B4GALT5: variants seen among roughly 807,000 people sequenced by gnomAD.
B4GALT5 encodes the protein beta-1,4-galactosyltransferase 5, also known as UDP-Gal:beta-GlcNAc beta-1,4-galactosyltransferase 5.
In B4GALT5, 11 loss-of-function variants were observed where a neutral mutation model predicts 45.0. The observed-to-expected ratio is 0.24, with a 90% CI of 0.15 to 0.40. B4GALT5 has a LOEUF of 0.40. B4GALT5 is among the 10% of genes least tolerant of loss of function. The probability of loss-of-function intolerance (pLI) is 1.00; values close to 1 mark genes in which losing one functional copy is unlikely to be tolerated. For missense variants in B4GALT5, 337 were observed against 500.2 expected, an observed-to-expected ratio of 0.67 and a Z score of 3.11; for synonymous variants, 185 against 182.9, an observed-to-expected ratio of 1.01 and a Z score of -0.09.
At chr20:49,710,857 A>G (rs2085906838) in intron 1 of B4GALT5, among the ~76,000 whole-genome samples, 1 of 152,092 alleles carries the variant, frequency 6.6e-6, no homozygotes, top group African/African-American at 2.4e-5. Context: ...CCAAAGCTAG[A>G]CATTCTAAAA....
intron 1 of B4GALT5, among the ~76,000 whole-genome samples, chr20:49,662,791 A>G (rs1027675932): frequency 6.6e-6 from 1 of 152,234 alleles, no homozygotes; most frequent in Non-Finnish European, 1.5e-5. Context: ...ATAATGCACA[A>G]GTTTATTCAA....
At chr20:49,682,629 G>C (rs952678946) in intron 1 of B4GALT5, among the ~76,000 whole-genome samples, 11 of 151,930 alleles carry the variant, frequency 7.2e-5, no homozygotes, top group African/African-American at 2.7e-4. Context: ...ATTTAAAATT[G>C]CAAAATTTCC....
In B4GALT5 at chr20:49,663,672, C is replaced by CAAGAAAAAAAA. The variant is rs1568722488; in HGVS notation, c.116-6981_116-6971dup. On this transcript the variant is annotated intron_variant, in intron 1 of 8. Transcript: ENST00000371711. ...AGAGCAACATAGTGAGAATTCATCTCAAGAAAAAAAAAAAAAAAATATATA... is the reference window on the plus strand; with the variant it reads ...AGAGCAACATAGTGAGAATTCATCTCAAGAAAAAAAAAAGAAAAAAAAAAAAAAAATATATA... Among the ~76,000 whole-genome samples the CAAGAAAAAAAA allele has an allele frequency of 1.1e-3, 5 of 4,408 alleles. 1 individual carries two copies. The highest frequency in any genetic ancestry group is 2.2e-3 in the African/African-American group (3 of 1,352). 2.9% of individuals were successfully genotyped at this position (4,408 alleles called of 152,430 possible).
chr20:49,662,723 C>T (rs548893419), intron 1 of B4GALT5, among the ~76,000 whole-genome samples: 1 of 152,274 alleles, frequency 6.6e-6, no homozygotes, highest in East Asian at 1.9e-4. Flanking sequence ...TAGCTTTCCC[C>T]CCAAAATGTT....
intron 1 of B4GALT5, among the ~76,000 whole-genome samples, chr20:49,676,791 T>A (rs192349832): frequency 2.8e-4 from 42 of 152,358 alleles, no homozygotes; most frequent in African/African-American, 1.0e-3. Flanking sequence ...AATAAAACCA[T>A]AAAGCAATAA....
intron 1 of B4GALT5, among the ~76,000 whole-genome samples, chr20:49,694,313 G>C (rs187884923): frequency 2.6e-5 from 4 of 151,836 alleles, no homozygotes; most frequent in South Asian, 2.1e-4. Context: ...TATAACTTTT[G>C]AAAGTTATAG....
intron 3 of B4GALT5, among the ~76,000 whole-genome samples, chr20:49,645,884 C>T (rs183912125): frequency 1.3e-5 from 2 of 152,034 alleles, no homozygotes; most frequent in Non-Finnish European, 2.9e-5. Flanking sequence ...GAAACAGGGT[C>T]TTGCTTTGTT....
intron 1 of B4GALT5, among the ~76,000 whole-genome samples, chr20:49,663,662 G>T (rs1341460438): frequency 2.4e-5 from 2 of 82,810 alleles, no homozygotes; most frequent in Non-Finnish European, 4.2e-5. Context: ...AACATAGTGA[G>T]AATTCATCTC....
At chr20:49,671,054 T>G (rs2085713834) in intron 1 of B4GALT5, among the ~76,000 whole-genome samples, 1 of 152,180 alleles carries the variant, frequency 6.6e-6, no homozygotes, top group African/African-American at 2.4e-5. Context: ...AAATAATGAT[T>G]ATTGTTTTAG....
chr20:49,663,690 AATATATACATATATATATATATATAT>A (rs2085675959), intron 1 of B4GALT5, among the ~76,000 whole-genome samples: 3 of 96,962 alleles, frequency 3.1e-5, no homozygotes, highest in Admixed American at 2.2e-4. Context: ...AAAAAAAAAA[AATATATACATATATATATATATATAT>A]ATATATATAT....
chr20:49,648,060 T>A (rs962943143), intron 2 of B4GALT5, among the ~76,000 whole-genome samples: 1 of 152,196 alleles, frequency 6.6e-6, no homozygotes, highest in Non-Finnish European at 1.5e-5. Flanking sequence ...TTTTTTAACT[T>A]TGAAGAGCTC....
At chr20:49,700,717 T>C (rs1399102591) in intron 1 of B4GALT5, among the ~76,000 whole-genome samples, 1 of 152,192 alleles carries the variant, frequency 6.6e-6, no homozygotes, top group Non-Finnish European at 1.5e-5. Context: ...TAAATGTGTA[T>C]ACAGCGTGGG....
At chr20:49,659,940 T>G (rs951428305) in intron 1 of B4GALT5, among the ~76,000 whole-genome samples, 1 of 151,946 alleles carries the variant, frequency 6.6e-6, no homozygotes, top group Admixed American at 6.6e-5. Flanking sequence ...CCACCATGCC[T>G]GGCTAATTTT....
chr20:49,643,924 T>C (rs1275795579), intron 3 of B4GALT5, among the ~76,000 whole-genome samples: 2 of 14,002 alleles, frequency 1.4e-4, no homozygotes, highest in Non-Finnish European at 1.7e-4. Context: ...TAGCTGAGCT[T>C]TTTTTTTTTT....
chr20:49,641,713 G>A (rs908514905), intron 5 of B4GALT5, among the ~76,000 whole-genome samples: 1 of 152,144 alleles, frequency 6.6e-6, no homozygotes, highest in Non-Finnish European at 1.5e-5. Context: ...AGAGAGAGGT[G>A]AGCATGCAAA....
In B4GALT5 at chr20:49,711,093, A is replaced by C. The variant is rs1020202276; in HGVS notation, c.115+2483T>G. Among the ~76,000 whole-genome samples the C allele has an allele frequency of 2.5e-4, 38 of 151,896 alleles. 1 individual carries two copies. Among genetic ancestry groups the C allele is most frequent in the African/African-American group, 9.2e-4 (38 of 41,458 alleles). ...CTCTCTATCAAAAAAAAAAAAAAAAAATTAGTAGGAAGGGCAAACAGCTAA... is the reference window on the plus strand; with the variant it reads ...CTCTCTATCAAAAAAAAAAAAAAAACATTAGTAGGAAGGGCAAACAGCTAA... On this transcript the variant is annotated intron_variant, in intron 1 of 8. Coordinates refer to ENST00000371711, the MANE Select transcript of B4GALT5 (RefSeq NM_004776.4).
At chr20:49,686,400 G>C (rs989446607) in intron 1 of B4GALT5, among the ~76,000 whole-genome samples, 1 of 152,110 alleles carries the variant, frequency 6.6e-6, no homozygotes, top group Non-Finnish European at 1.5e-5. Context: ...AGAAGCCCAA[G>C]AGATACCACA....
At chr20:49,691,522 CA>C (rs11480642) in intron 1 of B4GALT5, among the ~76,000 whole-genome samples, 4 of 150,602 alleles carry the variant, frequency 2.7e-5, no homozygotes, top group African/African-American at 9.8e-5. Context: ...ACAAAACAAA[CA>C]AAAAAAAACC....
chr20:49,661,474 A>G (rs981212081), intron 1 of B4GALT5, among the ~76,000 whole-genome samples: 2 of 152,202 alleles, frequency 1.3e-5, no homozygotes, highest in Admixed American at 1.3e-4. Flanking sequence ...ACCTCAGGTG[A>G]TCTGCCTGCC....
Sources: gnomAD v4.1 joint callset for allele counts (sites outside exome capture counted in the v4.1 genomes callset) on GRCh38, gnomAD v4.1.1 for gene constraint, MANE v1.5 for transcripts, NCBI Gene and HGNC (gene_info 2026-07-23, HGNC 2026-07-21) for gene names.